Variants in KIF16B observed in about 807,000 individuals in gnomAD.
KIF16B encodes kinesin family member 16B.
KIF16B carries 98 observed loss-of-function variants against 156.3 expected under a neutral mutation model. That is an observed-to-expected ratio of 0.63 (90% confidence interval 0.53 to 0.74). KIF16B has a LOEUF of 0.74. Among genes scored for constraint, KIF16B ranks in the 30% least tolerant of loss-of-function variants. The pLI, the probability that KIF16B is intolerant of heterozygous loss-of-function variation, is 0.00. For synonymous variants in KIF16B, 564 were observed against 583.7 expected (o/e 0.97, Z 0.49); for missense variants, 1,421 against 1,606.5 (o/e 0.88, Z 1.97).
chr20:16,386,293 G>C (rs371770026), intron 17 of KIF16B, among the ~76,000 whole-genome samples: 6 of 152,260 alleles, frequency 3.9e-5, no homozygotes, highest in African/African-American at 1.4e-4. Context: ...GAAAAATCTG[G>C]AAAGGGCAGA....
chr20:16,521,476 A>T (rs1410100053), intron 3 of KIF16B, among the ~76,000 whole-genome samples: 1 of 152,026 alleles, frequency 6.6e-6, no homozygotes, highest in Non-Finnish European at 1.5e-5. Flanking sequence ...GAGAAAAAAG[A>T]ATGAAAAGGA....
intron 17 of KIF16B, among the ~76,000 whole-genome samples, chr20:16,398,776 G>C (rs761427565): frequency 1.3e-5 from 2 of 152,200 alleles, no homozygotes; most frequent in Non-Finnish European, 2.9e-5. Flanking sequence ...CCAAGGGATA[G>C]AGTGGGTGAT....
intron 12 of KIF16B, among the ~76,000 whole-genome samples, chr20:16,430,638 T>C (rs1228969753): frequency 6.6e-6 from 1 of 152,044 alleles, no homozygotes; most frequent in East Asian, 1.9e-4. Context: ...TCCTTCCCTC[T>C]TACTCTCTCT....
Position 16,283,957 on chromosome 20 carries a change from A to C in KIF16B, c.3796-10546T>G, listed in dbSNP as rs546296787. On this transcript the variant is annotated intron_variant, in intron 25 of 25. Coordinates refer to ENST00000354981, the MANE Select transcript of KIF16B (RefSeq NM_024704.5). Reference sequence around the variant, plus strand: ...CTCTCAGTTCCTAAAGACCACCTACATTCAGTGGCACCCAGCCTCCACCAC... The same window carrying C: ...CTCTCAGTTCCTAAAGACCACCTACCTTCAGTGGCACCCAGCCTCCACCAC... 3.3e-5 allele frequency among the ~76,000 whole-genome samples: 5 copies of C among 152,240 alleles called. No homozygotes were observed. The South Asian group carries it at 1.0e-3, about 32-fold the overall frequency.
At chr20:16,300,061 T>C (rs116653436) in intron 25 of KIF16B, among the ~76,000 whole-genome samples, 140 of 152,322 alleles carry the variant, frequency 9.2e-4, no homozygotes, top group African/African-American at 3.3e-3. Context: ...CAGTGTTCCA[T>C]GCGGCCTCTC....
rs186962732 is a variant in KIF16B, at chr20:16,555,316, G to A, written c.47+17913C>T. Among the ~76,000 whole-genome samples, 47 of 152,308 alleles carry A rather than the reference G, an allele frequency of 3.1e-4. 1 individual carries two copies. The East Asian group carries it at 6.4e-3, about 21-fold the overall frequency. On this transcript the variant is annotated intron_variant, in intron 1 of 25. Transcript: ENST00000354981. ...CACTGTACAGAAGAGGATATGAGAC[G>A]AAATCAGAAGACAGAGTGCCACGTA... is the stretch of plus-strand genomic sequence containing the variant.
At chr20:16,542,999 T>C (rs899577894) in intron 1 of KIF16B, among the ~76,000 whole-genome samples, 1 of 152,142 alleles carries the variant, frequency 6.6e-6, no homozygotes. Flanking sequence ...TCCAGATGAC[T>C]GGGGTGGATC....
Position 16,409,832 on chromosome 20 carries a change from A to G in KIF16B, c.1613-3376T>C, listed in dbSNP as rs546149080. Among the ~76,000 whole-genome samples, 5 of 151,004 alleles carry G rather than the reference A, an allele frequency of 3.3e-5. No homozygotes were observed. In the East Asian group the frequency reaches 9.9e-4, roughly 30 times the overall value. ...GACCAAGATGGGGTGGGGAAAAATC[A>G]TGAGTTTGGTTTTGGACATAATGAA... is the stretch of plus-strand genomic sequence containing the variant. On this transcript the variant is annotated intron_variant, in intron 15 of 25. Transcript: ENST00000354981.
rs113228860 is a variant in KIF16B at position 16,539,021 on chromosome 20, T to C, written c.48-10581A>G. On this transcript the variant is annotated intron_variant, in intron 1 of 25. Coordinates refer to ENST00000354981, the MANE Select transcript of KIF16B (RefSeq NM_024704.5). ...GCCTCCTGAGAAGCAGATGCCACTA[T>C]GCTTCCTGTATAGCCATCAGTGCAA... 7.2e-5 allele frequency among the ~76,000 whole-genome samples: 11 copies of C among 152,260 alleles called. 2 individuals carry two copies. Among genetic ancestry groups the C allele is most frequent in the African/African-American group, 2.6e-4 (11 of 41,552 alleles).
chr20:16,385,101 G>A (rs951181590), intron 17 of KIF16B, among the ~76,000 whole-genome samples: 2 of 151,964 alleles, frequency 1.3e-5, no homozygotes, highest in African/African-American at 4.8e-5. Context: ...GGAGGCTGAG[G>A]CAGGAGAATG....
chr20:16,510,936 A>C (rs554555635), intron 6 of KIF16B, among the ~76,000 whole-genome samples: 12 of 152,226 alleles, frequency 7.9e-5, no homozygotes, highest in African/African-American at 2.9e-4. Flanking sequence ...TGTACTCATC[A>C]TTGCTTGTGG....
In KIF16B at chr20:16,321,498, C is replaced by A. The variant is rs78836433; in HGVS notation, c.3712-9080G>T. On this transcript the variant is annotated intron_variant, in intron 24 of 25. Transcript: ENST00000354981. Reference sequence around the variant, plus strand: ...CATCGTGAAAATGAAGAAATTGAACCAAGATGTTTAAGTTTCATTTCAGTT... The same window carrying A: ...CATCGTGAAAATGAAGAAATTGAACAAAGATGTTTAAGTTTCATTTCAGTT... 7.7e-3 allele frequency among the ~76,000 whole-genome samples: 1,173 copies of A among 152,090 alleles called. 6 individuals are homozygous for A. Among genetic ancestry groups the A allele is most frequent in the Middle Eastern group, 0.014 (4 of 294 alleles).
intron 15 of KIF16B, among the ~76,000 whole-genome samples, chr20:16,418,762 A>T (rs1033591424): frequency 3.3e-5 from 5 of 152,114 alleles, no homozygotes; most frequent in African/African-American, 9.7e-5. Context: ...GTGCATGCTC[A>T]TGTTTCTCCA....
chr20:16,378,270 G>C (rs1328083974), intron 19 of KIF16B, among the ~76,000 whole-genome samples: 2 of 151,922 alleles, frequency 1.3e-5, no homozygotes, highest in Non-Finnish European at 2.9e-5. Context: ...AGAAAATAGG[G>C]AGAGAAGGAA....
In KIF16B at chr20:16,506,168, G is replaced by C. The variant is rs1182328391; in HGVS notation, c.722C>G (p.Pro241Arg). 4 of 1,614,058 alleles carry C rather than the reference G, an allele frequency of 2.5e-6. No individual in the cohort carries two copies. In the African/African-American group the frequency reaches 5.3e-5, roughly 22 times the overall value. Residue 241 changes from proline to arginine, a missense_variant, in exon 8 of 26, where the codon CCA becomes CGA. Coordinates refer to ENST00000354981, the MANE Select transcript of KIF16B (RefSeq NM_024704.5). ...FTQAKFDSEM[P>R]CETVSKIHLV... ...GTGGATCTTACTGACGGTTTCACAT[G>C]GCATTTCAGAATCAAATTTAGCCTG...
At chr20:16,293,787 C>T (rs2063344975) in intron 25 of KIF16B, among the ~76,000 whole-genome samples, 1 of 151,982 alleles carries the variant, frequency 6.6e-6, no homozygotes, top group Non-Finnish European at 1.5e-5. Context: ...TACAATTGAG[C>T]AATAATGTGA....
chr20:16,505,079 G>C (rs6044037), intron 9 of KIF16B, among the ~76,000 whole-genome samples: 36,160 of 152,004 alleles, frequency 0.24, 4,928 homozygotes, highest in East Asian at 0.36. Context: ...TACAAACCAG[G>C]GTAAATCCCG....
intron 12 of KIF16B, among the ~76,000 whole-genome samples, chr20:16,490,696 T>A (rs925700805): frequency 3.9e-5 from 6 of 152,316 alleles, no homozygotes; most frequent in Middle Eastern, 3.4e-3. Flanking sequence ...GAGAAGTTAA[T>A]CTGCCAGCAC....
intron 25 of KIF16B, among the ~76,000 whole-genome samples, chr20:16,277,887 A>C (rs1014210709): frequency 1.1e-4 from 17 of 152,234 alleles, no homozygotes; most frequent in Non-Finnish European, 1.3e-4. Flanking sequence ...CTAGCACGTC[A>C]GGGACCACAG....
Sources: allele counts gnomAD v4.1 joint callset (sites outside exome capture counted in the v4.1 genomes callset), GRCh38; gene constraint gnomAD v4.1.1; transcripts MANE v1.5; gene names NCBI Gene and HGNC (gene_info 2026-07-23, HGNC 2026-07-21).